PPARGC1B: variants seen among roughly 807,000 people sequenced by gnomAD.
The protein encoded by PPARGC1B is peroxisome proliferator-activated receptor gamma coactivator 1-beta.
PPARGC1B carries 34 observed loss-of-function variants against 101.6 expected under a neutral mutation model. The observed-to-expected ratio is 0.33, with a 90% CI of 0.25 to 0.45. PPARGC1B has a LOEUF of 0.45. PPARGC1B is among the 20% of genes least tolerant of loss of function. PPARGC1B has a pLI of 1.00. For synonymous variants in PPARGC1B, 548 were observed against 539.3 expected, an observed-to-expected ratio of 1.02 and a Z score of -0.22; for missense variants, 1,234 against 1,317.6, an observed-to-expected ratio of 0.94 and a Z score of 0.98.
chr5:149,751,866 C>A (rs1246041089), intron 1 of PPARGC1B, among the ~76,000 whole-genome samples: 1 of 152,154 alleles, frequency 6.6e-6, no homozygotes, highest in African/African-American at 2.4e-5. Flanking sequence ...CTTTTATGGG[C>A]GGATTCCTAC....
At chr5:149,813,821 C>T (rs753783758) in intron 1 of PPARGC1B, among the ~76,000 whole-genome samples, 4 of 152,144 alleles carry the variant, frequency 2.6e-5, no homozygotes, top group African/African-American at 4.8e-5. Context: ...ATCGAGGCAC[C>T]GGCAGATTTT....
At chr5:149,844,866 T>A (rs973785849) in intron 10 of PPARGC1B, among the ~76,000 whole-genome samples, 1 of 152,224 alleles carries the variant, frequency 6.6e-6, no homozygotes, top group Non-Finnish European at 1.5e-5. Flanking sequence ...AAAGTTGGAA[T>A]AGAATTGACT....
intron 1 of PPARGC1B, among the ~76,000 whole-genome samples, chr5:149,785,235 T>C (rs1756757201): frequency 6.6e-6 from 1 of 150,990 alleles, no homozygotes; most frequent in African/African-American, 2.4e-5. Flanking sequence ...ATGCCCTCTT[T>C]TAAGGGCCCT....
In PPARGC1B at chr5:149,772,284, C is replaced by T. The variant is rs530476370; in HGVS notation, c.78+41864C>T. 1.4e-5 allele frequency: 21 copies of T among 1,478,688 alleles called. No individual in the cohort carries two copies. The Admixed American group carries it at 2.8e-4, about 20-fold the overall frequency. The allele number at this position is 1,478,688 out of a possible 1,614,324, so 91.6% of individuals were successfully genotyped here. On this transcript the variant is annotated intron_variant, in intron 1 of 11. Transcript: ENST00000309241. ...GATGTGGCGATGGTGGGTTAGGGTA[C>T]GGTAGTGTGCGTGATGTGCTGGCTG...
intron 1 of PPARGC1B, among the ~76,000 whole-genome samples, chr5:149,759,297 C>T (rs528457500): frequency 2.0e-5 from 3 of 152,158 alleles, no homozygotes; most frequent in African/African-American, 7.2e-5. Context: ...TTGCACTTCT[C>T]TCTTCTTGAG....
At chr5:149,769,202 A>G (rs1756031335) in intron 1 of PPARGC1B, among the ~76,000 whole-genome samples, 1 of 152,200 alleles carries the variant, frequency 6.6e-6, no homozygotes, top group Non-Finnish European at 1.5e-5. Context: ...CTGATCTTAC[A>G]GGAGGTGGAG....
At chr5:149,733,084 C>A (rs1010374994) in intron 1 of PPARGC1B, among the ~76,000 whole-genome samples, 1 of 152,212 alleles carries the variant, frequency 6.6e-6, no homozygotes, top group African/African-American at 2.4e-5. Context: ...TCTCCTCCCC[C>A]AAACTTTCCC....
chr5:149,746,493 T>C (rs912670357), intron 1 of PPARGC1B, among the ~76,000 whole-genome samples: 1 of 152,260 alleles, frequency 6.6e-6, no homozygotes, highest in Non-Finnish European at 1.5e-5. Context: ...GCTTATCCAT[T>C]CATTTGTTAG....
intron 1 of PPARGC1B, among the ~76,000 whole-genome samples, chr5:149,748,319 ATATATC>A (rs1342264851): frequency 4.1e-5 from 3 of 73,902 alleles, no homozygotes; most frequent in East Asian, 5.2e-4. Context: ...ATAGATATAG[ATATATC>A]TATATATATA....
intron 1 of PPARGC1B, among the ~76,000 whole-genome samples, chr5:149,736,336 T>C (rs781258830): frequency 6.6e-6 from 1 of 152,004 alleles, no homozygotes; most frequent in Non-Finnish European, 1.5e-5. Context: ...AGGACAGGAT[T>C]AAGTATGGAG....
chr5:149,811,672 G>A (rs1757872318), intron 1 of PPARGC1B, among the ~76,000 whole-genome samples: 1 of 152,210 alleles, frequency 6.6e-6, no homozygotes, highest in African/African-American at 2.4e-5. Flanking sequence ...GGTTAGGAAA[G>A]CCCCTGTTAT....
At chr5:149,809,148 T>TAGATAGATAGAC (rs1757714416) in intron 1 of PPARGC1B, among the ~76,000 whole-genome samples, 1 of 131,636 alleles carries the variant, frequency 7.6e-6, no homozygotes, top group African/African-American at 2.9e-5. Flanking sequence ...GATAGATAGA[T>TAGATAGATAGAC]AGATAGATAG....
chr5:149,812,668 G>C (rs1432121785), intron 1 of PPARGC1B, among the ~76,000 whole-genome samples: 6 of 152,230 alleles, frequency 3.9e-5, no homozygotes, highest in Non-Finnish European at 8.8e-5. Context: ...TCTCAGGCAG[G>C]CCCTTTGCAG....
chr5:149,773,694 G>A (rs1158764088), intron 1 of PPARGC1B, among the ~76,000 whole-genome samples: 2 of 152,230 alleles, frequency 1.3e-5, no homozygotes, highest in African/African-American at 2.4e-5. Context: ...GAGGCAGAGC[G>A]GCCGCGGGAG....
chr5:149,784,560 C>CTTTTTTTCTTT (rs1204928127), intron 1 of PPARGC1B, among the ~76,000 whole-genome samples: 2 of 75,716 alleles, frequency 2.6e-5, no homozygotes, highest in African/African-American at 1.1e-4. Flanking sequence ...AACTGAGTTT[C>CTTTTTTTCTTT]TTTTTTTTTT....
intron 1 of PPARGC1B, among the ~76,000 whole-genome samples, chr5:149,735,490 C>T (rs1264166816): frequency 6.6e-6 from 1 of 152,168 alleles, no homozygotes; most frequent in Non-Finnish European, 1.5e-5. Flanking sequence ...AGTGTTGATC[C>T]TTGCCTTCTC....
intron 1 of PPARGC1B, among the ~76,000 whole-genome samples, chr5:149,755,040 CATATACATATACATAT>C (rs749284473): frequency 0.19 from 15,769 of 85,042 alleles, 1,178 homozygotes; most frequent in Admixed American, 0.33. Context: ...ACTACATATA[CATATACATATACATAT>C]ATATATATAT....
chr5:149,805,361 T>C (rs1414395859), intron 1 of PPARGC1B, among the ~76,000 whole-genome samples: 2 of 152,230 alleles, frequency 1.3e-5, no homozygotes, highest in Non-Finnish European at 2.9e-5. Flanking sequence ...TATGAGTTTA[T>C]GCAAATAGAG....
chr5:149,774,449 C>A (rs943078213), intron 1 of PPARGC1B, among the ~76,000 whole-genome samples: 1 of 152,090 alleles, frequency 6.6e-6, no homozygotes, highest in Non-Finnish European at 1.5e-5. Flanking sequence ...CATATAGCAG[C>A]GGATCAGTAG....
Sources: allele counts gnomAD v4.1 joint callset (sites outside exome capture counted in the v4.1 genomes callset), GRCh38; gene constraint gnomAD v4.1.1; transcripts MANE v1.5; gene names NCBI Gene and HGNC (gene_info 2026-07-23, HGNC 2026-07-21).